The following RP1 variants were observed in gnomAD, a reference collection of about 807,000 sequenced individuals.
RP1 encodes oxygen-regulated protein 1.
RP1 carries 16 observed loss-of-function variants against 14.8 expected under a neutral mutation model. The observed-to-expected ratio is 1.08, with a 90% confidence interval of 0.73 to 1.65. The LOEUF is 1.65. Ranked by LOEUF, RP1 falls within the 40% of genes most tolerant of loss-of-function variation. RP1 has a pLI of 0.00. For synonymous variants in RP1, 876 were observed against 883.6 expected (o/e 0.99, Z 0.15); for missense variants, 2,631 against 2,535.0 (o/e 1.04, Z -0.81).
At chr8:54,606,580 A>G (rs575631094) in intron 1 of RP1, among the ~76,000 whole-genome samples, 1 of 152,080 alleles carries the variant, frequency 6.6e-6, no homozygotes, top group East Asian at 1.9e-4. Context: ...CTGAATTTGA[A>G]TATTGGCCTG....
chr8:54,785,983 T>A (rs1810308243), intron 24 of RP1, among the ~76,000 whole-genome samples: 1 of 152,134 alleles, frequency 6.6e-6, no homozygotes, highest in African/African-American at 2.4e-5. Context: ...AATATGAATC[T>A]GTTATCATAT....
intron 1 of RP1, among the ~76,000 whole-genome samples, chr8:54,563,999 A>C (rs1193500988): frequency 2.6e-5 from 4 of 152,194 alleles, no homozygotes; most frequent in Non-Finnish European, 5.9e-5. Context: ...TCATCCCAGG[A>C]GCTATTTCAA....
intron 24 of RP1, among the ~76,000 whole-genome samples, chr8:54,821,902 T>G (rs1811264520): frequency 6.6e-6 from 1 of 152,152 alleles, no homozygotes; most frequent in Non-Finnish European, 1.5e-5. Context: ...GTCTAGAATA[T>G]CCTTTTGTTG....
chr8:54,593,877 G>A (rs968824039), intron 1 of RP1, among the ~76,000 whole-genome samples: 4 of 152,272 alleles, frequency 2.6e-5, no homozygotes, highest in African/African-American at 9.6e-5. Flanking sequence ...AAAGTGGAGT[G>A]TAAACCAGGA....
chr8:54,854,990 A>G (rs1812156890), intron 26 of RP1, among the ~76,000 whole-genome samples: 1 of 152,212 alleles, frequency 6.6e-6, no homozygotes, highest in African/African-American at 2.4e-5. Flanking sequence ...TTATTGTGTA[A>G]GCATGACTAC....
chr8:54,720,182 A>C (rs1159287302), exon 16 of RP1: 3 of 1,535,818 alleles, frequency 2.0e-6, no homozygotes, highest in South Asian at 1.2e-5. Context: ...TGAAGAATGC[A>C]TCCATAAGCC....
At chr8:54,807,290 C>T (rs1005826008) in intron 24 of RP1, among the ~76,000 whole-genome samples, 12 of 152,270 alleles carry the variant, frequency 7.9e-5, no homozygotes, top group African/African-American at 2.2e-4. Context: ...AGAAGGGTAT[C>T]GCTAGTCCTT....
intron 2 of RP1, 62 bp downstream of exon 2, chr8:54,621,643 G>A: frequency 1.2e-6 from 2 of 1,610,218 alleles, no homozygotes; most frequent in Non-Finnish European, 1.7e-6. Context: ...AATTGGATTC[G>A]TGTGGGATAT....
chr8:54,779,399 A>G (rs193206348), intron 23 of RP1, among the ~76,000 whole-genome samples: 1 of 152,252 alleles, frequency 6.6e-6, no homozygotes, highest in Non-Finnish European at 1.5e-5. Context: ...CCAACTAACA[A>G]TTGCATGTAA....
intron 1 of RP1, among the ~76,000 whole-genome samples, chr8:54,606,555 T>C (rs867011811): frequency 0.03 from 4,621 of 152,116 alleles, 224 homozygotes; most frequent in African/African-American, 0.11. Context: ...ATCTTTGTGG[T>C]GTTCTCTGTA....
At chr8:54,641,494 A>G (rs537602416) in intron 3 of RP1, among the ~76,000 whole-genome samples, 3 of 152,286 alleles carry the variant, frequency 2.0e-5, no homozygotes, top group East Asian at 1.9e-4. Context: ...TAGCTTAATT[A>G]ATTAGCTTCT....
At chr8:54,743,837 A>C (rs1352093126) in intron 19 of RP1, among the ~76,000 whole-genome samples, 1 of 152,064 alleles carries the variant, frequency 6.6e-6, no homozygotes, top group African/African-American at 2.4e-5. Context: ...ACTAATGCCC[A>C]TTCACCTCAG....
At chr8:54,621,611 A>G (rs148671787) in intron 2 of RP1, 30 bp downstream of exon 2, 83 of 1,613,596 alleles carry the variant, frequency 5.1e-5, no homozygotes, top group Middle Eastern at 1.7e-4. Context: ...CTCGAGCCTG[A>G]GCTCATTTTG....
intron 6 of RP1, among the ~76,000 whole-genome samples, chr8:54,660,538 C>T (rs1806863925): frequency 1.3e-5 from 2 of 151,912 alleles, no homozygotes; most frequent in Admixed American, 6.6e-5. Context: ...CTTGGTCATG[C>T]TGTATGTGCT....
intron 24 of RP1, among the ~76,000 whole-genome samples, chr8:54,797,475 A>G (rs1810602706): frequency 6.6e-6 from 1 of 151,958 alleles, no homozygotes; most frequent in Non-Finnish European, 1.5e-5. Context: ...ATCCATGAGA[A>G]CCACTAGATG....
chr8:54,715,715 A>T (rs1435574412), intron 15 of RP1, among the ~76,000 whole-genome samples: 1 of 152,200 alleles, frequency 6.6e-6, no homozygotes, highest in African/African-American at 2.4e-5. Flanking sequence ...AAGAGAGGAG[A>T]GGACATTACA....
intron 1 of RP1, among the ~76,000 whole-genome samples, chr8:54,603,291 G>C (rs916432114): frequency 2.6e-5 from 4 of 151,808 alleles, no homozygotes; most frequent in Non-Finnish European, 5.9e-5. Context: ...TTATTAAATA[G>C]GGAATCTTTT....
intron 24 of RP1, among the ~76,000 whole-genome samples, chr8:54,810,652 A>G (rs1189266086): frequency 2.0e-5 from 3 of 152,216 alleles, no homozygotes; most frequent in Non-Finnish European, 2.9e-5. Context: ...ACATTATGGC[A>G]AGAAATGAAA....
intron 14 of RP1, chr8:54,706,390 C>A (rs1347817039): frequency 4.6e-6 from 7 of 1,514,010 alleles, no homozygotes; most frequent in South Asian, 1.2e-5. Context: ...CTCCCTCTAG[C>A]AAAACACGAG....
Sources: allele counts gnomAD v4.1 joint callset (sites outside exome capture counted in the v4.1 genomes callset), GRCh38; gene constraint gnomAD v4.1.1; transcripts MANE v1.5; gene names NCBI Gene and HGNC (gene_info 2026-07-23, HGNC 2026-07-21).